SNX1: variants seen among roughly 807,000 people sequenced by gnomAD.
SNX1 encodes sorting nexin-1.
A neutral mutation model predicts 71.8 loss-of-function variants in SNX1; 36 were observed. The observed-to-expected ratio is 0.50, with a 90% CI of 0.38 to 0.66. SNX1 has a LOEUF of 0.66. SNX1 is among the 30% of genes least tolerant of loss of function. The pLI is 0.00. For synonymous variants in SNX1, 254 were observed against 240.7 expected, an observed-to-expected ratio of 1.06 and a Z score of -0.51; for missense variants, 612 against 646.7, an observed-to-expected ratio of 0.95 and a Z score of 0.58.
chr15:64,136,642 C>T (rs1236911351), intron 13 of SNX1, among the ~76,000 whole-genome samples: 4 of 152,092 alleles, frequency 2.6e-5, no homozygotes. Context: ...TGCCATATAC[C>T]CTCGGTCCCC....
At chr15:64,098,799 T>C (rs1362679292) in intron 1 of SNX1, among the ~76,000 whole-genome samples, 1 of 152,206 alleles carries the variant, frequency 6.6e-6, no homozygotes, top group Non-Finnish European at 1.5e-5. Context: ...TTTGTAAGAC[T>C]GTAAAAATCC....
At chr15:64,114,799 A>C (rs750391494) in intron 2 of SNX1, among the ~76,000 whole-genome samples, 2 of 152,204 alleles carry the variant, frequency 1.3e-5, no homozygotes, top group Non-Finnish European at 2.9e-5. Context: ...TCATCCCTGA[A>C]ATTTAAATAT....
In SNX1 at chr15:64,142,762, C is replaced by G; in HGVS notation, c.*5144C>G. 1 of 451,152 alleles carries G rather than the reference C, an allele frequency of 2.2e-6. No homozygotes were observed. Among genetic ancestry groups the G allele is most frequent in the African/African-American group, 2.0e-5 (1 of 49,838 alleles). 27.9% of individuals were successfully genotyped at this position (451,152 alleles called of 1,614,324 possible). A position where few individuals can be genotyped will look rare whatever the true frequency, so the allele number is the denominator to read the frequency against. On this transcript the variant is annotated 3_prime_UTR_variant, in exon 15 of 15. Coordinates refer to ENST00000559844, the MANE Select transcript of SNX1 (RefSeq NM_003099.5). ...GACTGGACTTCGAGCTGGTGTGATC[C>G]CAGTATTCAGTGTCAGTACTCAGTG... is the stretch of plus-strand genomic sequence containing the variant.
intron 1 of SNX1, among the ~76,000 whole-genome samples, chr15:64,098,172 G>A (rs1348028204): frequency 6.6e-6 from 1 of 152,082 alleles, no homozygotes; most frequent in South Asian, 2.1e-4. Context: ...AATTCTTGCC[G>A]CTAATTTAGT....
At position 64,096,288 on chromosome 15, in the gene SNX1, CA is replaced by C; in HGVS notation, c.159+117del. ...GCCCGGTGAGACCTTGCCTCGGTGT[CA>C]GCAGTCCGGGCCCCGGGGACCCTGG... On this transcript the variant is annotated intron_variant, in intron 1 of 14. Transcript: ENST00000559844. 3.1e-6 allele frequency: 4 copies of C among 1,273,284 alleles called. No individual in the cohort carries two copies. The South Asian group carries it at 4.3e-5, about 14-fold the overall frequency. 78.9% of individuals were successfully genotyped at this position (1,273,284 alleles called of 1,614,324 possible).
At chr15:64,107,713 G>A (rs1240079513) in intron 1 of SNX1, among the ~76,000 whole-genome samples, 1 of 150,152 alleles carries the variant, frequency 6.7e-6, no homozygotes, top group Non-Finnish European at 1.5e-5. Context: ...GCAAGTGTTG[G>A]ATATCCCAGC....
chr15:64,141,603 T>C lies in SNX1; in HGVS notation c.*3985T>C, dbSNP rs2081415171. Reference sequence around the variant, plus strand: ...TGTCTGGCAGGGTGAGGTAGGCGCATCTAGGGAAATGTCAAGTGGCTTGGT... The same window carrying C: ...TGTCTGGCAGGGTGAGGTAGGCGCACCTAGGGAAATGTCAAGTGGCTTGGT... On this transcript the variant is annotated 3_prime_UTR_variant, in exon 15 of 15. Coordinates refer to ENST00000559844, the MANE Select transcript of SNX1 (RefSeq NM_003099.5). The surrounding 1 kb of genome is among the most constrained non-coding windows in gnomAD (Gnocchi z 5.1). The C allele has an allele frequency of 6.6e-6, 1 of 152,286 alleles. No individual in the cohort carries two copies. The allele number at this position is 152,286 out of a possible 1,614,324, so 9.4% of individuals were successfully genotyped here.
intron 14 of SNX1, among the ~76,000 whole-genome samples, chr15:64,137,241 T>C (rs759318694): frequency 6.6e-6 from 1 of 152,254 alleles, no homozygotes; most frequent in Non-Finnish European, 1.5e-5. Context: ...CTCCTGAGGC[T>C]GAGGCCTCAT....
intron 1 of SNX1, among the ~76,000 whole-genome samples, chr15:64,101,601 A>G (rs147767200): frequency 9.8e-4 from 149 of 152,334 alleles, no homozygotes; most frequent in African/African-American, 3.4e-3. Context: ...TCCTGCTTTT[A>G]ATTCTTTTGG....
Position 64,139,195 on chromosome 15 carries a change from A to G in SNX1, c.*1577A>G, listed in dbSNP as rs1190867411. ...ATAAAGTATTTTGTATCCTGCTTTT[A>G]TCATTCAACATTGTACATGTTATAA... On this transcript the variant is annotated 3_prime_UTR_variant, in exon 15 of 15. Coordinates refer to ENST00000559844, the MANE Select transcript of SNX1 (RefSeq NM_003099.5). The G allele has an allele frequency of 6.6e-6, 1 of 151,808 alleles. No individual in the cohort carries two copies. Among genetic ancestry groups the G allele is most frequent in the Non-Finnish European group, 1.5e-5 (1 of 67,986 alleles). The allele number at this position is 151,808 out of a possible 1,614,324, so 9.4% of individuals were successfully genotyped here.
Position 64,138,405 on chromosome 15 carries a change from G to C in SNX1, c.*787G>C. 2 of 517,592 alleles carry C rather than the reference G, an allele frequency of 3.9e-6. No individual in the cohort carries two copies. The highest frequency in any genetic ancestry group is 6.6e-6 in the Non-Finnish European group (2 of 302,430). 32.1% of individuals were successfully genotyped at this position (517,592 alleles called of 1,614,324 possible). A position where few individuals can be genotyped will look rare whatever the true frequency, so the allele number is the denominator to read the frequency against. On this transcript the variant is annotated 3_prime_UTR_variant, in exon 15 of 15. Coordinates refer to ENST00000559844, the MANE Select transcript of SNX1 (RefSeq NM_003099.5). The stretch of plus-strand genomic sequence containing the variant: ...TCTTCCTGCTTCCCTAAGCTGCTCA[G>C]GGTTCTCTGAGTCTTGCCCTCTGAT...
Position 64,140,206 on chromosome 15 carries a change from A to G in SNX1, c.*2588A>G, listed in dbSNP as rs1277515037. 1 of 152,282 alleles carries G rather than the reference A, an allele frequency of 6.6e-6. No homozygotes were observed. Among genetic ancestry groups the G allele is most frequent in the Non-Finnish European group, 1.5e-5 (1 of 68,056 alleles). 9.4% of individuals were successfully genotyped at this position (152,282 alleles called of 1,614,324 possible). A position where few individuals can be genotyped will look rare whatever the true frequency, so the allele number is the denominator to read the frequency against. ...CAGTTATTACTGTCATGATTGACCA[A>G]CATGATTTCCTAACTCCATAATGCC... On this transcript the variant is annotated 3_prime_UTR_variant, in exon 15 of 15. Coordinates refer to ENST00000559844, the MANE Select transcript of SNX1 (RefSeq NM_003099.5).
rs1485204671 is a variant in SNX1, at chr15:64,140,665, C to G, written c.*3047C>G. On this transcript the variant is annotated 3_prime_UTR_variant, in exon 15 of 15. Transcript: ENST00000559844. Reference sequence around the variant, plus strand: ...ATGGCACAATCTCAGCTCACTGCAACCTCCACCTACCAGGTTCAAGCAATT... The same window carrying G: ...ATGGCACAATCTCAGCTCACTGCAAGCTCCACCTACCAGGTTCAAGCAATT... 1 of 152,194 alleles carries G rather than the reference C, an allele frequency of 6.6e-6. No individual in the cohort carries two copies. Among genetic ancestry groups the G allele is most frequent in the African/African-American group, 2.4e-5 (1 of 41,438 alleles). 9.4% of individuals were successfully genotyped at this position (152,194 alleles called of 1,614,324 possible).
intron 1 of SNX1, among the ~76,000 whole-genome samples, chr15:64,098,738 C>T (rs987436964): frequency 6.6e-6 from 1 of 151,064 alleles, no homozygotes; most frequent in African/African-American, 2.4e-5. Context: ...ATGTAGGAGG[C>T]TTCAGTTTGA....
At chr15:64,099,230 A>C (rs1294349681) in intron 1 of SNX1, among the ~76,000 whole-genome samples, 3 of 152,314 alleles carry the variant, frequency 2.0e-5, no homozygotes, top group Admixed American at 6.5e-5. Context: ...ATTACTCTCT[A>C]CAGTTTCCTC....
intron 1 of SNX1, among the ~76,000 whole-genome samples, chr15:64,104,439 AT>A: frequency 6.6e-6 from 1 of 151,816 alleles, no homozygotes; most frequent in Admixed American, 6.6e-5. Context: ...CGCCCGGCTA[AT>A]TTTTTTGTAT....
rs2081408723 is a variant in SNX1 at position 64,141,021 on chromosome 15, A to ATAGG, written c.*3406_*3407insGTAG. On this transcript the variant is annotated 3_prime_UTR_variant, in exon 15 of 15. Coordinates refer to ENST00000559844, the MANE Select transcript of SNX1 (RefSeq NM_003099.5). This position sits in a 1 kb window ranked among gnomAD's most constrained non-coding sequence, Gnocchi z 5.1. ...GATAGATAGATAGATAGATAGATAG[A>ATAGG]TAGATGATAGATATAGATAGATAGA... 2 of 150,758 alleles carry ATAGG rather than the reference A, an allele frequency of 1.3e-5. No individual in the cohort carries two copies. The highest frequency in any genetic ancestry group is 2.9e-5 in the Non-Finnish European group (2 of 68,036). 9.3% of individuals were successfully genotyped at this position (150,758 alleles called of 1,614,324 possible). A position where few individuals can be genotyped will look rare whatever the true frequency, so the allele number is the denominator to read the frequency against.
chr15:64,135,353 G>A (rs1596008403), intron 12 of SNX1, among the ~76,000 whole-genome samples: 1 of 150,036 alleles, frequency 6.7e-6, no homozygotes, highest in East Asian at 2.1e-4. Context: ...ACCTGCCTCG[G>A]CCTCCCAAAG....
intron 1 of SNX1, among the ~76,000 whole-genome samples, chr15:64,102,481 C>T (rs1419272188): frequency 1.3e-5 from 2 of 152,094 alleles, no homozygotes; most frequent in Non-Finnish European, 2.9e-5. Context: ...AGAACTTATT[C>T]CTTCTAATTG....
Sources: gnomAD v4.1 joint callset for allele counts (sites outside exome capture counted in the v4.1 genomes callset) on GRCh38, gnomAD v4.1.1 for gene constraint, Gnocchi (gnomAD v3.1) non-coding constraint, MANE v1.5 for transcripts, NCBI Gene and HGNC (gene_info 2026-07-23, HGNC 2026-07-21) for gene names.